TMEM74: variants seen among roughly 807,000 people sequenced by gnomAD.
TMEM74 encodes transmembrane protein 74.
A neutral mutation model predicts 18.1 loss-of-function variants in TMEM74; 13 were observed. The ratio of observed to expected loss-of-function variants is 0.72; its 90% CI spans 0.47 to 1.14. The LOEUF (loss-of-function observed/expected upper bound fraction) is 1.14. Among genes scored for constraint, TMEM74 ranks in the 50% most tolerant of loss-of-function variants. TMEM74 has a pLI of 0.00. For synonymous variants in TMEM74, 159 were observed against 146.6 expected, an observed-to-expected ratio of 1.08 and a Z score of -0.61; for missense variants, 372 against 375.9, an observed-to-expected ratio of 0.99 and a Z score of 0.09.
Position 108,781,351 on chromosome 8 carries a change from A to G in TMEM74, c.*2830T>C, listed in dbSNP as rs1440104133. Reference sequence around the variant, plus strand: ...ATGCATCACCTGGTCTTGCCAAAGTACCTCTAGAGCCAAAAACACTCTTTG... The same window carrying G: ...ATGCATCACCTGGTCTTGCCAAAGTGCCTCTAGAGCCAAAAACACTCTTTG... On this transcript the variant is annotated 3_prime_UTR_variant, in exon 2 of 2. Coordinates refer to ENST00000297459, the MANE Select transcript of TMEM74 (RefSeq NM_153015.3). Among the ~76,000 whole-genome samples, 1 of 152,140 alleles carries G rather than the reference A, an allele frequency of 6.6e-6. No individual in the cohort carries two copies. Among genetic ancestry groups the G allele is most frequent in the Non-Finnish European group, 1.5e-5 (1 of 68,024 alleles).
At chr8:108,662,311 G>T (rs1563743390) in intron 1 of TMEM74, among the ~76,000 whole-genome samples, 1 of 151,976 alleles carries the variant, frequency 6.6e-6, no homozygotes. Flanking sequence ...CACCTAGAGA[G>T]AAAACAAACA....
chr8:108,744,468 T>C (rs1466162751), intron 1 of TMEM74, among the ~76,000 whole-genome samples: 1 of 152,092 alleles, frequency 6.6e-6, no homozygotes, highest in Admixed American at 6.6e-5. Context: ...TACATTTCCT[T>C]AAAGGGGGAA....
chr8:108,767,666 C>G (rs914703325), intron 1 of TMEM74, among the ~76,000 whole-genome samples: 2 of 152,084 alleles, frequency 1.3e-5, no homozygotes, highest in Admixed American at 6.5e-5. Flanking sequence ...ATTCTTCACC[C>G]CTTCTTAATT....
At chr8:108,767,294 A>G (rs1178150235) in intron 1 of TMEM74, among the ~76,000 whole-genome samples, 3 of 152,198 alleles carry the variant, frequency 2.0e-5, no homozygotes, top group African/African-American at 7.2e-5. Flanking sequence ...AATATTTAAG[A>G]TGTGAGCATT....
intron 1 of TMEM74, among the ~76,000 whole-genome samples, chr8:108,765,340 G>C (rs1188583911): frequency 6.6e-6 from 1 of 151,796 alleles, no homozygotes; most frequent in Non-Finnish European, 1.5e-5. Flanking sequence ...GACTTTAAGG[G>C]ATGGTGATGA....
intron 2 of TMEM74, among the ~76,000 whole-genome samples, chr8:108,634,112 G>A (rs1812582135): frequency 6.6e-6 from 1 of 151,894 alleles, no homozygotes; most frequent in Non-Finnish European, 1.5e-5. Flanking sequence ...AGAAGAGGAA[G>A]AGCATGGGCA....
intron 1 of TMEM74, among the ~76,000 whole-genome samples, chr8:108,707,997 G>A (rs988071923): frequency 6.6e-6 from 1 of 152,064 alleles, no homozygotes; most frequent in Non-Finnish European, 1.5e-5. Context: ...CATAGTACTT[G>A]GATAGGTAGT....
In TMEM74 at chr8:108,667,162, T is replaced by C. The variant is rs576748416; in HGVS notation, n.120-11725A>G. Among the ~76,000 whole-genome samples the C allele has an allele frequency of 3.9e-5, 6 of 152,238 alleles. No individual in the cohort carries two copies. The South Asian group carries it at 1.2e-3, about 32-fold the overall frequency. Reference sequence around the variant, plus strand: ...GTCACAGTGGCTGTAATCTCGTTGATCTAGATTAAAAACAGACTCTTGTCC... The same window carrying C: ...GTCACAGTGGCTGTAATCTCGTTGACCTAGATTAAAAACAGACTCTTGTCC... On this transcript the variant is annotated intron_variant and non_coding_transcript_variant, in intron 1 of 3. Transcript: ENST00000518838.
At chr8:108,634,248 T>A (rs549184698) in intron 2 of TMEM74, among the ~76,000 whole-genome samples, 2 of 151,772 alleles carry the variant, frequency 1.3e-5, no homozygotes, top group South Asian at 4.2e-4. Context: ...CCCACCTCCA[T>A]CCCCAAAAAA....
intron 1 of TMEM74, among the ~76,000 whole-genome samples, chr8:108,697,018 C>G (rs760814805): frequency 6.6e-6 from 1 of 152,192 alleles, no homozygotes; most frequent in Non-Finnish European, 1.5e-5. Flanking sequence ...CTGGTGCTGT[C>G]ATTTCCACTG....
At position 108,645,824 on chromosome 8, in the gene TMEM74, T is replaced by C. The variant is rs151053474; in HGVS notation, n.264+9469A>G. Among the ~76,000 whole-genome samples, 384 of 152,146 alleles carry C rather than the reference T, an allele frequency of 2.5e-3. 2 individuals carry two copies. Among genetic ancestry groups the C allele is most frequent in the African/African-American group, 8.4e-3 (347 of 41,518 alleles). Reference sequence around the variant, plus strand: ...TATCCCCATCCCCAGGAATCTGGTATGATGTAAGACTGAGCCCCTGACAAT... The same window carrying C: ...TATCCCCATCCCCAGGAATCTGGTACGATGTAAGACTGAGCCCCTGACAAT... On this transcript the variant is annotated intron_variant and non_coding_transcript_variant, in intron 2 of 3. Coordinates refer to the TMEM74 transcript ENST00000518838.
intron 2 of TMEM74, among the ~76,000 whole-genome samples, chr8:108,636,677 A>C (rs1812609981): frequency 6.6e-6 from 1 of 151,942 alleles, no homozygotes; most frequent in Admixed American, 6.6e-5. Flanking sequence ...ATTCCCCATC[A>C]AGTTTCTGGA....
At chr8:108,700,632 A>AG (rs1813326243) in intron 1 of TMEM74, among the ~76,000 whole-genome samples, 1 of 152,172 alleles carries the variant, frequency 6.6e-6, no homozygotes, top group Non-Finnish European at 1.5e-5. Flanking sequence ...AATAAAGGAG[A>AG]GAAAAATAAG....
At chr8:108,721,039 G>T (rs1813582831) in intron 1 of TMEM74, among the ~76,000 whole-genome samples, 1 of 152,138 alleles carries the variant, frequency 6.6e-6, no homozygotes, top group Non-Finnish European at 1.5e-5. Flanking sequence ...AAAGTGCTGG[G>T]ATTACAGGCG....
Position 108,784,636 on chromosome 8 carries a change from A to T in TMEM74, c.463T>A (p.Leu155Met). ...GTATCATCCTCCTCTTCAGATATCAAAGATATGGCAGCCTCTTGGGACCAC... is the reference window on the plus strand; with the variant it reads ...GTATCATCCTCCTCTTCAGATATCATAGATATGGCAGCCTCTTGGGACCAC... ...NEWSQEAAIS[L>M]ISEEEDDTSS... The change falls in exon 2 of 2, where the codon TTG (leucine) becomes ATG (methionine). Residue 155 changes from leucine to methionine, a missense_variant. Leu to Met is a conservative substitution (Grantham distance 15, BLOSUM62 2). Transcript: ENST00000297459. 1 of 1,614,112 alleles carries T rather than the reference A, an allele frequency of 6.2e-7. No individual in the cohort carries two copies. The highest frequency in any genetic ancestry group is 1.1e-5 in the South Asian group (1 of 91,078).
intron 2 of TMEM74, among the ~76,000 whole-genome samples, chr8:108,623,064 T>G (rs1363697122): frequency 6.6e-6 from 1 of 152,150 alleles, no homozygotes; most frequent in East Asian, 1.9e-4. Flanking sequence ...TTTACAAATA[T>G]TCTGCTTTCT....
chr8:108,708,019 C>T (rs1202742861), intron 1 of TMEM74, among the ~76,000 whole-genome samples: 1 of 152,028 alleles, frequency 6.6e-6, no homozygotes, highest in Non-Finnish European at 1.5e-5. Context: ...TTTCCGTTCT[C>T]GCCCTCCTCC....
chr8:108,678,605 T>C (rs888305255), intron 1 of TMEM74, among the ~76,000 whole-genome samples: 21 of 151,416 alleles, frequency 1.4e-4, no homozygotes, highest in South Asian at 8.3e-4. Context: ...AATCCTGGCC[T>C]CAAGTGATCC....
chr8:108,767,120 A>G (rs1157919129), intron 1 of TMEM74, among the ~76,000 whole-genome samples: 4 of 152,164 alleles, frequency 2.6e-5, no homozygotes, highest in Middle Eastern at 3.2e-3. Context: ...GCATCCTTCA[A>G]TCCGGTCAAG....
Sources: gnomAD v4.1 joint callset for allele counts (sites outside exome capture counted in the v4.1 genomes callset) on GRCh38, gnomAD v4.1.1 for gene constraint, MANE v1.5 for transcripts, NCBI Gene and HGNC (gene_info 2026-07-23, HGNC 2026-07-21) for gene names.